The following GPR82 variants were observed in gnomAD, a reference collection of about 807,000 sequenced individuals.
GPR82 encodes probable G protein-coupled receptor 82.
In GPR82, 6 loss-of-function variants were observed where a neutral mutation model predicts 12.9. The ratio of observed to expected loss-of-function variants is 0.46; its 90% CI spans 0.25 to 0.92. The LOEUF (loss-of-function observed/expected upper bound fraction) is 0.92. GPR82 is among the 40% of genes least tolerant of loss of function. The pLI, the probability that GPR82 is intolerant of heterozygous loss-of-function variation, is 0.16. For missense variants in GPR82, 241 were observed against 245.5 expected (o/e 0.98, Z 0.12); for synonymous variants, 90 against 87.6 (o/e 1.03, Z -0.15).
At chrX:41,724,538 C>T (rs2068222863) in intron 1 of GPR82, among the ~76,000 whole-genome samples, 1 of 112,179 alleles carries the variant, frequency 8.9e-6, no homozygotes, top group Non-Finnish European at 1.9e-5. Context: ...GACTTAGAGA[C>T]ATTTTCTGGA....
In GPR82 at chrX:41,727,949, T is replaced by C. The variant is rs2068297228; in HGVS notation, c.923T>C (p.Ile308Thr). 8.6e-7 allele frequency: 1 copy of C among 1,160,797 alleles called. No individual in the cohort carries two copies. The highest frequency in any genetic ancestry group is 1.8e-5 in the African/African-American group (1 of 56,289). ...ASARSSTDPI[I>T]FLLLDKTFKK... ...GCCAGAAGTAGCACAGACCCCATTA[T>C]ATTTCTTTTATTAGATAAAACATTC... Residue 308 changes from isoleucine (I) to threonine (T), a missense_variant, in exon 3 of 3, where the codon ATA becomes ACA. Ile to Thr is a moderately conservative substitution (Grantham distance 89, BLOSUM62 -1). Transcript: ENST00000302548.
intron 1 of GPR82, among the ~76,000 whole-genome samples, chrX:41,725,782 A>C (rs1008247527): frequency 8.9e-6 from 1 of 112,659 alleles, no homozygotes; most frequent in South Asian, 3.7e-4. Flanking sequence ...TTTAAAAAAA[A>C]TCCTCTGAAA....
rs772986105 is a variant in GPR82 at position 41,729,892 on chromosome X, T to G, written c.*1855T>G. On this transcript the variant is annotated 3_prime_UTR_variant, in exon 3 of 3. Transcript: ENST00000302548. ...AAGTGAACATTTAAAGATAAGCATT[T>G]CTTAATGTTAATTTCTTTTCTTTCA... 23 of 113,771 alleles carry G rather than the reference T, an allele frequency of 2.0e-4. No homozygotes were observed. The highest frequency in any genetic ancestry group is 7.1e-4 in the African/African-American group (20 of 28,221). 9.4% of individuals were successfully genotyped at this position (113,771 alleles called of 1,213,427 possible). A position where few individuals can be genotyped will look rare whatever the true frequency, so the allele number is the denominator to read the frequency against.
At position 41,727,650 on chromosome X, in the gene GPR82, A is replaced by G; in HGVS notation, c.624A>G (p.Thr208=). The G allele has an allele frequency of 3.3e-6, 4 of 1,208,926 alleles. No individual in the cohort carries two copies. The highest frequency in any genetic ancestry group is 4.5e-6 in the Non-Finnish European group (4 of 893,184). ...AGATTGCAGGTCTCATTGGAACCAC[A>G]TTTATTGGATTTTCCTTTTTAGTAG... The part of the protein sequence containing the change: ...ISQIAGLIGT[T]FIGFSFLVVL... The change falls in exon 3 of 3, where the codon ACA becomes ACG. Residue 208 remains threonine, a synonymous_variant. Coordinates refer to ENST00000302548, the MANE Select transcript of GPR82 (RefSeq NM_080817.5).
In GPR82 at chrX:41,727,111, G is replaced by C; in HGVS notation, c.85G>C (p.Gly29Arg). The C allele has an allele frequency of 8.5e-7, 1 of 1,176,096 alleles. No individual in the cohort carries two copies. Among genetic ancestry groups the C allele is most frequent in the Non-Finnish European group, 1.2e-6 (1 of 864,045 alleles). ...CATTTACATCCTCCTTTGTATTGTT[G>C]GTGTTTTTGGAAACACTCTCTCTCA... ...PIIYILLCIV[G>R]VFGNTLSQWI... Residue 29 changes from glycine (G) to arginine (R), a missense_variant, in exon 3 of 3, where the codon GGT (glycine) becomes CGT (arginine). Coordinates refer to ENST00000302548, the MANE Select transcript of GPR82 (RefSeq NM_080817.5).
chrX:41,724,372 G>C (rs2068218922), intron 1 of GPR82, 83 bp downstream of exon 1: 1 of 112,618 alleles, frequency 8.9e-6, no homozygotes, highest in Admixed American at 9.4e-5. Context: ...AATTTTGAAA[G>C]CTGATCATTA....
At chrX:41,726,912 T>G (rs2068270831) in intron 2 of GPR82, 69 bp downstream of exon 2, 2 of 384,820 alleles carry the variant, frequency 5.2e-6, no homozygotes, top group East Asian at 8.3e-5. Context: ...TAATTCAATG[T>G]TTTTCTTTTT....
chrX:41,728,139 A>G lies in GPR82; in HGVS notation c.*102A>G. 1 of 393,914 alleles carries G rather than the reference A, an allele frequency of 2.5e-6. No individual in the cohort carries two copies. The highest frequency in any genetic ancestry group is 4.3e-6 in the Non-Finnish European group (1 of 233,454). The allele number at this position is 393,914 out of a possible 1,213,427, so 32.5% of individuals were successfully genotyped here. ...ACATGTCACAGCTTGGTTGACAATA[A>G]TCACCAAGAAAATCTCTTTGGTTTT... On this transcript the variant is annotated 3_prime_UTR_variant, in exon 3 of 3. Transcript: ENST00000302548.
rs1198384922 is a variant in GPR82, at chrX:41,728,167, AAAAT to A, written c.*138_*141del. On this transcript the variant is annotated 3_prime_UTR_variant, in exon 3 of 3. Coordinates refer to ENST00000302548, the MANE Select transcript of GPR82 (RefSeq NM_080817.5). Reference sequence around the variant, plus strand: ...ACCAAGAAAATCTCTTTGGTTTTTAAAAATAAATAAACATATATTCATAAAACTC... The same window carrying A: ...ACCAAGAAAATCTCTTTGGTTTTTAAAAATAAACATATATTCATAAAACTC... The A allele has an allele frequency of 1.1e-5, 4 of 377,504 alleles. No individual in the cohort carries two copies. Among genetic ancestry groups the A allele is most frequent in the Non-Finnish European group, 9.1e-6 (2 of 219,564 alleles). 31.1% of individuals were successfully genotyped at this position (377,504 alleles called of 1,213,427 possible). A position where few individuals can be genotyped will look rare whatever the true frequency, so the allele number is the denominator to read the frequency against.
Position 41,727,547 on chromosome X carries a change from A to T in GPR82, c.521A>T (p.Tyr174Phe). The T allele has an allele frequency of 8.3e-7, 1 of 1,206,390 alleles. No individual in the cohort carries two copies. The highest frequency in any genetic ancestry group is 1.1e-6 in the Non-Finnish European group (1 of 890,684). Reference sequence around the variant, plus strand: ...ATAATCATTCCAGTTACCGTATACTACTCAGTCATAGAGGCTACAGAAGGA... The same window carrying T: ...ATAATCATTCCAGTTACCGTATACTTCTCAGTCATAGAGGCTACAGAAGGA... ...LGIIIPVTVY[Y>F]SVIEATEGEE... Residue 174 changes from tyrosine to phenylalanine, a missense_variant, in exon 3 of 3, where the codon TAC (tyrosine) becomes TTC (phenylalanine). Tyr to Phe is a conservative substitution (Grantham distance 22). Coordinates refer to ENST00000302548, the MANE Select transcript of GPR82 (RefSeq NM_080817.5).
At chrX:41,725,515 C>T (rs1399291126) in intron 1 of GPR82, among the ~76,000 whole-genome samples, 1 of 111,137 alleles carries the variant, frequency 9.0e-6, no homozygotes, top group African/African-American at 3.3e-5. Flanking sequence ...ATGTGGTGCT[C>T]AGAAGGCTAT....
At position 41,727,204 on chromosome X, in the gene GPR82, G is replaced by T. The variant is rs775010884; in HGVS notation, c.178G>T (p.Ala60Ser). 3.3e-6 allele frequency: 4 copies of T among 1,202,762 alleles called. No individual in the cohort carries two copies. In the African/African-American group the frequency reaches 7.0e-5, roughly 21 times the overall value. ...CATCTACCTGTCACACCTTGTGACT[G>T]CAAACTTACTTGTGTGCAGTGCCAT... ...THIYLSHLVT[A>S]NLLVCSAMPF... The change falls in exon 3 of 3, where the codon GCA becomes TCA. Residue 60 changes from alanine to serine, a missense_variant. Coordinates refer to ENST00000302548, the MANE Select transcript of GPR82 (RefSeq NM_080817.5).
Position 41,726,990 on chromosome X carries a change from T to C in GPR82, c.-34-3T>C, listed in dbSNP as rs1440650843. 8.3e-6 allele frequency: 7 copies of C among 847,686 alleles called. No individual in the cohort carries two copies. Among genetic ancestry groups the C allele is most frequent in the Non-Finnish European group, 9.9e-6 (6 of 605,949 alleles). The allele number at this position is 847,686 out of a possible 1,213,427, so 69.9% of individuals were successfully genotyped here. A position where few individuals can be genotyped will look rare whatever the true frequency, so the allele number is the denominator to read the frequency against. ...ATATTAAATATCTGCAATTCTATTCTAGCTCCTGTGACAAAATTCAAGAAA... is the reference window on the plus strand; with the variant it reads ...ATATTAAATATCTGCAATTCTATTCCAGCTCCTGTGACAAAATTCAAGAAA... On this transcript the variant is annotated splice_region_variant and splice_polypyrimidine_tract_variant and intron_variant, in intron 2 of 2. Coordinates refer to ENST00000302548, the MANE Select transcript of GPR82 (RefSeq NM_080817.5).
chrX:41,725,147 C>T (rs1364101687), intron 1 of GPR82, among the ~76,000 whole-genome samples: 5 of 111,171 alleles, frequency 4.5e-5, no homozygotes, highest in Non-Finnish European at 9.4e-5. Flanking sequence ...ATAAAAATAG[C>T]AAAGAAATAA....
chrX:41,727,935 C>T lies in GPR82; in HGVS notation c.909C>T (p.Ser303=), dbSNP rs778013683. The change falls in exon 3 of 3, where the codon AGC becomes AGT. Residue 303 remains serine (S), a synonymous_variant. Coordinates refer to ENST00000302548, the MANE Select transcript of GPR82 (RefSeq NM_080817.5). ...ILTCLASARS[S]TDPIIFLLLD... is the part of the protein sequence containing the mutation. ...CCTGTCTTGCTTCGGCCAGAAGTAG[C>T]ACAGACCCCATTATATTTCTTTTAT... 2.5e-6 allele frequency: 3 copies of T among 1,179,539 alleles called. No individual in the cohort carries two copies. Among genetic ancestry groups the T allele is most frequent in the Non-Finnish European group, 3.5e-6 (3 of 867,506 alleles).
chrX:41,725,835 AGCATAG>A (rs2147672551), intron 1 of GPR82, among the ~76,000 whole-genome samples: 1 of 112,227 alleles, frequency 8.9e-6, no homozygotes, highest in East Asian at 2.8e-4. Flanking sequence ...CTAACCAACA[AGCATAG>A]CAGCTACAGT....
rs1304517708 is a variant in GPR82 at position 41,724,264 on chromosome X, T to C, written c.-131T>C. The C allele has an allele frequency of 8.9e-6, 1 of 112,752 alleles. No individual in the cohort carries two copies. The highest frequency in any genetic ancestry group is 1.9e-5 in the Non-Finnish European group (1 of 53,344). 9.3% of individuals were successfully genotyped at this position (112,752 alleles called of 1,213,427 possible). A position where few individuals can be genotyped will look rare whatever the true frequency, so the allele number is the denominator to read the frequency against. On this transcript the variant is annotated 5_prime_UTR_variant, in exon 1 of 3. Coordinates refer to ENST00000302548, the MANE Select transcript of GPR82 (RefSeq NM_080817.5). ...CATCACTGCCCTGAACAATATAACC[T>C]TAGTTGGCATAAACTACTCATACAG...
chrX:41,727,043 C>A lies in GPR82; in HGVS notation c.17C>A (p.Thr6Lys). MNNNT[T>K]CIQPSMISSM... ...CTGACATAAATGAACAACAATACAA[C>A]ATGTATTCAACCATCTATGATCTCT... Residue 6 changes from threonine (T) to lysine (K), a missense_variant, in exon 3 of 3, where the codon ACA (threonine) becomes AAA (lysine). Thr to Lys is a moderately conservative substitution (Grantham distance 78). Transcript: ENST00000302548. 1.7e-6 allele frequency: 2 copies of A among 1,144,670 alleles called. No individual in the cohort carries two copies. The highest frequency in any genetic ancestry group is 2.4e-6 in the Non-Finnish European group (2 of 849,981). The allele number at this position is 1,144,670 out of a possible 1,213,427, so 94.3% of individuals were successfully genotyped here.
rs1257308136 is a variant in GPR82 at position 41,730,082 on chromosome X, T to A, written c.*2045T>A. 8.2e-6 allele frequency: 1 copy of A among 121,260 alleles called. No individual in the cohort carries two copies. Among genetic ancestry groups the A allele is most frequent in the Non-Finnish European group, 1.9e-5 (1 of 52,872 alleles). The allele number at this position is 121,260 out of a possible 1,213,427, so 10.0% of individuals were successfully genotyped here. A position where few individuals can be genotyped will look rare whatever the true frequency, so the allele number is the denominator to read the frequency against. ...CTTCCATGGTACTGATATTCTCTTC[T>A]CAGATAACCAAACAAAAACAGCTGA... On this transcript the variant is annotated 3_prime_UTR_variant, in exon 3 of 3. Coordinates refer to ENST00000302548, the MANE Select transcript of GPR82 (RefSeq NM_080817.5).
Sources: allele counts gnomAD v4.1 joint callset (sites outside exome capture counted in the v4.1 genomes callset), GRCh38; gene constraint gnomAD v4.1.1; transcripts MANE v1.5; gene names NCBI Gene and HGNC (gene_info 2026-07-23, HGNC 2026-07-21).